Variants in ATP8A2 observed in about 807,000 individuals in gnomAD.
The protein encoded by ATP8A2 is phospholipid-transporting ATPase IB.
In ATP8A2, 100 loss-of-function variants were observed where a neutral mutation model predicts 165.6. The observed-to-expected ratio is 0.60, with a 90% CI of 0.51 to 0.71. ATP8A2 has a LOEUF of 0.71. ATP8A2 is among the 30% of genes least tolerant of loss of function. ATP8A2 has a pLI of 0.00. For missense variants in ATP8A2, 1,227 were observed against 1,479.5 expected (o/e 0.83, Z 2.80); for synonymous variants, 543 against 548.8 (o/e 0.99, Z 0.15).
chr13:25,532,152 T>G, intron 4 of ATP8A2, 120 bp from the exon 5 acceptor site: 1 of 763,644 alleles, frequency 1.3e-6, no homozygotes, highest in Non-Finnish European at 2.2e-6. Context: ...TTTTACAGCA[T>G]GAGCATTATT....
At chr13:25,412,921 A>C (rs2034013927) in intron 1 of ATP8A2, among the ~76,000 whole-genome samples, 1 of 152,196 alleles carries the variant, frequency 6.6e-6, no homozygotes, top group Non-Finnish European at 1.5e-5. Context: ...TCCAGGTTCA[A>C]GCAATTCTGC....
At chr13:25,683,761 A>G (rs75698871) in intron 24 of ATP8A2, among the ~76,000 whole-genome samples, 1 of 151,804 alleles carries the variant, frequency 6.6e-6, no homozygotes, top group Non-Finnish European at 1.5e-5. Context: ...AAGAAGGCCA[A>G]GTTTAGCCTA....
chr13:25,726,340 C>T (rs975455153), intron 25 of ATP8A2, among the ~76,000 whole-genome samples: 3 of 152,176 alleles, frequency 2.0e-5, no homozygotes, highest in Admixed American at 6.5e-5. Flanking sequence ...GGCACCTGGA[C>T]GGTGGGCATG....
intron 25 of ATP8A2, among the ~76,000 whole-genome samples, chr13:25,766,781 G>A (rs770571180): frequency 1.3e-5 from 2 of 152,210 alleles, no homozygotes; most frequent in Non-Finnish European, 2.9e-5. Flanking sequence ...CAAGTCTGAT[G>A]GCATGCATTA....
chr13:25,890,534 T>G (rs1198104015), intron 33 of ATP8A2, among the ~76,000 whole-genome samples: 1 of 152,250 alleles, frequency 6.6e-6, no homozygotes, highest in Non-Finnish European at 1.5e-5. Flanking sequence ...TCTGTCTTCA[T>G]GACCAGCAGA....
rs138827384 is a variant in ATP8A2 at position 25,660,285 on chromosome 13, G to A, written c.2212-38888G>A. 5.5e-3 allele frequency among the ~76,000 whole-genome samples: 842 copies of A among 152,180 alleles called. 6 individuals carry two copies. The highest frequency in any genetic ancestry group is 0.02 in the Middle Eastern group (6 of 294). ...TTTGTGTGATTCTGAAATTCATGTGGAATATAAATGGGCCCCAAAGTCCAA... is the reference window on the plus strand; with the variant it reads ...TTTGTGTGATTCTGAAATTCATGTGAAATATAAATGGGCCCCAAAGTCCAA... On this transcript the variant is annotated intron_variant, in intron 24 of 36. Transcript: ENST00000381655.
chr13:25,570,812 T>G lies in ATP8A2; in HGVS notation c.1519T>G (p.Cys507Gly), dbSNP rs1423431673. Residue 507 changes from cysteine to glycine, a missense_variant, in exon 17 of 37, where the codon TGC becomes GGC. Cys to Gly is a radical substitution (Grantham distance 159, BLOSUM62 -3). Transcript: ENST00000381655. The part of the protein sequence containing the change: ...IQEFLTLLAV[C>G]HTVVPEKDGD... ...GGAGTTCCTCACCCTTCTGGCCGTG[T>G]GCCACACGGTTGTTCCTGAGAAGGA... 2 of 1,613,670 alleles carry G rather than the reference T, an allele frequency of 1.2e-6. No individual in the cohort carries two copies. Among genetic ancestry groups the G allele is most frequent in the Admixed American group, 3.3e-5 (2 of 60,000 alleles).
At chr13:25,885,212 A>G (rs993254804) in intron 33 of ATP8A2, among the ~76,000 whole-genome samples, 1 of 146,552 alleles carries the variant, frequency 6.8e-6, no homozygotes. Flanking sequence ...TCCTGGGTTC[A>G]AGCAATTCTC....
chr13:25,759,505 G>T (rs944774303), intron 25 of ATP8A2, among the ~76,000 whole-genome samples: 13 of 152,124 alleles, frequency 8.5e-5, no homozygotes, highest in African/African-American at 3.1e-4. Context: ...AGTAAAATGT[G>T]CAGTGGGGAA....
At chr13:25,710,708 G>A (rs1285348371) in intron 25 of ATP8A2, among the ~76,000 whole-genome samples, 1 of 152,136 alleles carries the variant, frequency 6.6e-6, no homozygotes, top group African/African-American at 2.4e-5. Flanking sequence ...TCAATCTGGT[G>A]GGAAGGCCAG....
intron 24 of ATP8A2, among the ~76,000 whole-genome samples, chr13:25,625,165 A>G (rs1458251387): frequency 6.6e-6 from 1 of 152,202 alleles, no homozygotes; most frequent in African/African-American, 2.4e-5. Context: ...CAAGTGGAGA[A>G]TTGGAGATAC....
chr13:25,929,344 C>G (rs897764267), intron 33 of ATP8A2, among the ~76,000 whole-genome samples: 2 of 152,078 alleles, frequency 1.3e-5, no homozygotes, highest in African/African-American at 4.8e-5. Flanking sequence ...AGGCTGCAAG[C>G]AAGAGGAAAG....
Position 25,632,017 on chromosome 13 carries a change from C to T in ATP8A2, c.2211+42318C>T, listed in dbSNP as rs565917896. On this transcript the variant is annotated intron_variant, in intron 24 of 36. Coordinates refer to ENST00000381655, the MANE Select transcript of ATP8A2 (RefSeq NM_016529.6). ...CCTTAGAATCCAATCGCAAGCCCCACCCCCTGACACCCCCTCATGGTTCGA... is the reference window on the plus strand; with the variant it reads ...CCTTAGAATCCAATCGCAAGCCCCATCCCCTGACACCCCCTCATGGTTCGA... Among the ~76,000 whole-genome samples, 4 of 152,172 alleles carry T rather than the reference C, an allele frequency of 2.6e-5. No individual in the cohort carries two copies. The East Asian group carries it at 7.8e-4, about 29-fold the overall frequency.
At chr13:25,531,139 A>G (rs188091470) in intron 4 of ATP8A2, among the ~76,000 whole-genome samples, 1,473 of 141,604 alleles carry the variant, frequency 0.01, 21 homozygotes, top group Non-Finnish European at 0.015. Flanking sequence ...GTGTGTGTGT[A>G]TATATATGTT....
chr13:25,374,314 G>C (rs372432848), intron 1 of ATP8A2, among the ~76,000 whole-genome samples: 3 of 152,236 alleles, frequency 2.0e-5, no homozygotes, highest in East Asian at 3.8e-4. Context: ...GAAAAGAGCT[G>C]TTAACATATC....
chr13:25,808,304 A>G (rs1226447553), intron 27 of ATP8A2, among the ~76,000 whole-genome samples: 2 of 151,918 alleles, frequency 1.3e-5, no homozygotes, highest in Non-Finnish European at 2.9e-5. Flanking sequence ...TAAATGTTTA[A>G]ATTTTTTGTA....
At chr13:25,442,810 C>T (rs564978626) in intron 1 of ATP8A2, among the ~76,000 whole-genome samples, 2 of 152,290 alleles carry the variant, frequency 1.3e-5, no homozygotes, top group African/African-American at 4.8e-5. Context: ...GGAAAAATGT[C>T]TATGCCAGTC....
intron 33 of ATP8A2, among the ~76,000 whole-genome samples, chr13:25,952,290 T>C (rs1240544109): frequency 1.3e-5 from 2 of 152,128 alleles, no homozygotes; most frequent in African/African-American, 2.4e-5. Flanking sequence ...AATGAAGAAC[T>C]AGATTTCAGC....
intron 1 of ATP8A2, among the ~76,000 whole-genome samples, chr13:25,432,664 A>AT (rs60236450): frequency 5.3e-4 from 77 of 144,720 alleles, no homozygotes; most frequent in Middle Eastern, 3.6e-3. Context: ...TCTTCCTGTC[A>AT]TTTTTTTTTT....
Sources: gnomAD v4.1 joint callset for allele counts (sites outside exome capture counted in the v4.1 genomes callset) on GRCh38, gnomAD v4.1.1 for gene constraint, MANE v1.5 for transcripts, NCBI Gene and HGNC (gene_info 2026-07-23, HGNC 2026-07-21) for gene names.